Variants in ARB2A observed in about 807,000 individuals in gnomAD.
The protein encoded by ARB2A is cotranscriptional regulator ARB2A.
At chr5:93,897,797 C>T in the ARB2A span, among the ~76,000 whole-genome samples, 1 of 151,456 alleles carries the variant, frequency 6.6e-6, no homozygotes, top group Non-Finnish European at 1.5e-5. Context: ...CTTACTAACC[C>T]TAGGAATTCG....
At chr5:94,102,967 C>T in the ARB2A span, among the ~76,000 whole-genome samples, 2 of 151,968 alleles carry the variant, frequency 1.3e-5, no homozygotes, top group Non-Finnish European at 1.5e-5. Flanking sequence ...TAAGCAAATA[C>T]TAAGGGAATT....
the ARB2A span, among the ~76,000 whole-genome samples, chr5:94,026,277 G>C: frequency 2.2e-4 from 34 of 152,156 alleles, no homozygotes; most frequent in East Asian, 5.3e-3. Context: ...GTATGGGGTG[G>C]CTGCCCTCTG....
chr5:93,850,002 G>T, the ARB2A span, among the ~76,000 whole-genome samples: 1 of 152,278 alleles, frequency 6.6e-6, no homozygotes, highest in East Asian at 1.9e-4. Flanking sequence ...ACCCTGAGCA[G>T]TCGTTACAAT....
chr5:93,924,015 A>C, the ARB2A span, among the ~76,000 whole-genome samples: 5 of 152,158 alleles, frequency 3.3e-5, no homozygotes, highest in African/African-American at 1.2e-4. Flanking sequence ...GACATTATCC[A>C]ATTTGTGTTT....
At chr5:93,900,214 G>C in the ARB2A span, among the ~76,000 whole-genome samples, 1 of 152,006 alleles carries the variant, frequency 6.6e-6, no homozygotes, top group East Asian at 1.9e-4. Context: ...TACTATTTTG[G>C]GTCTTTTTTA....
chr5:93,789,095 CAT>C, the ARB2A span, among the ~76,000 whole-genome samples: 215 of 152,304 alleles, frequency 1.4e-3, 1 homozygote, highest in Admixed American at 4.8e-3. Flanking sequence ...GGATATATCA[CAT>C]GTTTCAAATG....
chr5:93,899,365 A>G, the ARB2A span, among the ~76,000 whole-genome samples: 1 of 152,144 alleles, frequency 6.6e-6, no homozygotes, highest in Admixed American at 6.6e-5. Flanking sequence ...GATCACTAAA[A>G]TAGGAAACCC....
the ARB2A span, among the ~76,000 whole-genome samples, chr5:93,675,213 T>C: frequency 2.0e-5 from 3 of 152,190 alleles, no homozygotes; most frequent in Non-Finnish European, 4.4e-5. Context: ...CATACTTGCC[T>C]GATTACCCAC....
At chr5:93,634,537 T>C in the ARB2A span, among the ~76,000 whole-genome samples, 74 of 152,332 alleles carry the variant, frequency 4.9e-4, no homozygotes, top group African/African-American at 1.6e-3. Context: ...TAGCGACTAA[T>C]TGATAAACAC....
At chr5:94,072,331 T>C in the ARB2A span, among the ~76,000 whole-genome samples, 9 of 151,722 alleles carry the variant, frequency 5.9e-5, no homozygotes, top group East Asian at 1.7e-3. Context: ...ATACATAGGA[T>C]CGAATTGCAC....
At chr5:93,620,924 A>C in the ARB2A span, 1 of 1,572,650 alleles carries the variant, frequency 6.4e-7, no homozygotes, top group Non-Finnish European at 8.6e-7. Context: ...CGCTCGACAC[A>C]AGCAGTGAGG....
chr5:93,958,732 G>A, the ARB2A span: 40 of 1,328,714 alleles, frequency 3.0e-5, no homozygotes, highest in Non-Finnish European at 3.9e-5. Context: ...TAATAAAACA[G>A]TACTATAAAA....
the ARB2A span, chr5:93,964,330 C>T: frequency 1.6e-6 from 1 of 633,544 alleles, no homozygotes; most frequent in African/African-American, 1.9e-5. Flanking sequence ...GCTATCAACA[C>T]AATAAACCCT....
chr5:94,008,354 CAT>C, the ARB2A span, among the ~76,000 whole-genome samples: 1 of 152,202 alleles, frequency 6.6e-6, no homozygotes, highest in Non-Finnish European at 1.5e-5. Flanking sequence ...ATGCTTCTCA[CAT>C]GTTAATATGC....
At chr5:93,879,945 A>T in the ARB2A span, among the ~76,000 whole-genome samples, 2 of 151,834 alleles carry the variant, frequency 1.3e-5, no homozygotes, top group Non-Finnish European at 2.9e-5. Context: ...AAAAATTTTA[A>T]CCTGTCATAA....
chr5:94,011,986 C>T, the ARB2A span, among the ~76,000 whole-genome samples: 1,628 of 141,686 alleles, frequency 0.011, 36 homozygotes, highest in African/African-American at 0.041. Flanking sequence ...GGAAAATGAG[C>T]GTTCAGATAG....
the ARB2A span, among the ~76,000 whole-genome samples, chr5:93,969,260 C>T: frequency 2.0e-5 from 3 of 151,680 alleles, no homozygotes; most frequent in Admixed American, 6.6e-5. Flanking sequence ...GCAGAATGAA[C>T]GTCAGCAATG....
chr5:93,930,920 T>C, the ARB2A span, among the ~76,000 whole-genome samples: 2 of 152,194 alleles, frequency 1.3e-5, no homozygotes, highest in Non-Finnish European at 2.9e-5. Flanking sequence ...GCTGCACCTA[T>C]CAACCTGTCA....
chr5:94,110,681 T>C, the ARB2A span, among the ~76,000 whole-genome samples: 2 of 152,232 alleles, frequency 1.3e-5, no homozygotes, highest in Admixed American at 1.3e-4. Context: ...AATGAGATAT[T>C]TGTTATGCAG....
Sources: allele counts gnomAD v4.1 joint callset (sites outside exome capture counted in the v4.1 genomes callset), GRCh38; gene constraint gnomAD v4.1.1; transcripts MANE v1.5; gene names NCBI Gene and HGNC (gene_info 2026-07-23, HGNC 2026-07-21).